The following GPER1 variants were observed in gnomAD, a reference collection of about 807,000 sequenced individuals.
GPER1 encodes G protein-coupled receptor 30.
GPER1 carries 2 observed loss-of-function variants against 0.6 expected under a neutral mutation model. That is an observed-to-expected ratio of 3.41 (90% CI 1.39 to 10.72). GPER1 has a LOEUF of 10.72. Among genes scored for constraint, GPER1 ranks in the 30% most tolerant of loss-of-function variants. The probability of loss-of-function intolerance (pLI) is 0.04; values close to 1 mark genes in which losing one functional copy is unlikely to be tolerated. For missense variants in GPER1, 441 were observed against 535.2 expected, an observed-to-expected ratio of 0.82 and a Z score of 1.74; for synonymous variants, 263 against 247.6, an observed-to-expected ratio of 1.06 and a Z score of -0.58.
In GPER1 at chr7:1,093,541, CGTCTGCTCCG is replaced by C. The variant is rs1563104826; in HGVS notation, c.*687_*696del. 8.5e-6 allele frequency: 4 copies of C among 470,928 alleles called. No individual in the cohort carries two copies. In the Admixed American group the frequency reaches 9.4e-5, roughly 11 times the overall value. The allele number at this position is 470,928 out of a possible 1,614,324, so 29.2% of individuals were successfully genotyped here. On this transcript the variant is annotated 3_prime_UTR_variant, in exon 2 of 2. Transcript: ENST00000397088. Reference sequence around the variant, plus strand: ...GAAGGCCCCTCTGTGGAGCGCCCGCCGTCTGCTCCGGGGTGGTTCAGTCACTGCTTGTTGA... The same window carrying C: ...GAAGGCCCCTCTGTGGAGCGCCCGCCGGGTGGTTCAGTCACTGCTTGTTGA...
upstream of GPER1, among the ~76,000 whole-genome samples, chr7:1,087,452 T>C (rs958607832): frequency 1.3e-5 from 2 of 152,250 alleles, no homozygotes; most frequent in African/African-American, 4.8e-5. Flanking sequence ...ATACACACCT[T>C]ATACACACTG....
rs773015616 is a variant in GPER1 at position 1,092,129 on chromosome 7, C to T, written c.401C>T (p.Ser134Leu). The change falls in exon 2 of 2, where the codon TCG (serine) becomes TTG (leucine). Residue 134 changes from serine (S) to leucine (L), a missense_variant. Physicochemically the swap from Ser to Leu is moderately radical, Grantham distance 145 (BLOSUM62 -2). Coordinates refer to ENST00000397088, the MANE Select transcript of GPER1 (RefSeq NM_001098201.3). ...ATCGCCGTCCTGTGCACCTTCATGT[C>T]GCTCTTCCTGCAGGTCAACATGTAC... The part of the protein sequence containing the change: ...YDIAVLCTFM[S>L]LFLQVNMYSS... 39 of 1,613,616 alleles carry T rather than the reference C, an allele frequency of 2.4e-5. No homozygotes were observed. In the East Asian group the frequency reaches 6.7e-4, roughly 28 times the overall value.
In GPER1 at chr7:1,092,725, G is replaced by T; in HGVS notation, c.997G>T (p.Asp333Tyr). ...IYSFLGETFR[D>Y]KLRLYIEQKT... Reference sequence around the variant, plus strand: ...CAGCTTTCTCGGGGAGACCTTCAGGGACAAGCTGAGGCTGTACATTGAGCA... The same window carrying T: ...CAGCTTTCTCGGGGAGACCTTCAGGTACAAGCTGAGGCTGTACATTGAGCA... The change falls in exon 2 of 2, where the codon GAC becomes TAC. Residue 333 changes from aspartate to tyrosine, a missense_variant. By Grantham distance (160) the Asp-to-Tyr change is radical. Coordinates refer to ENST00000397088, the MANE Select transcript of GPER1 (RefSeq NM_001098201.3). 6.2e-7 allele frequency: 1 copy of T among 1,613,574 alleles called. No homozygotes were observed. Among genetic ancestry groups the T allele is most frequent in the Non-Finnish European group, 8.5e-7 (1 of 1,180,030 alleles).
At position 1,093,182 on chromosome 7, in the gene GPER1, A is replaced by C. The variant is rs1788200214; in HGVS notation, c.*326A>C. 3.6e-6 allele frequency: 2 copies of C among 553,606 alleles called. No individual in the cohort carries two copies. The highest frequency in any genetic ancestry group is 7.1e-6 in the Non-Finnish European group (2 of 280,876). The allele number at this position is 553,606 out of a possible 1,614,324, so 34.3% of individuals were successfully genotyped here. A position where few individuals can be genotyped will look rare whatever the true frequency, so the allele number is the denominator to read the frequency against. Reference sequence around the variant, plus strand: ...CGCTGCACCTGCCTGCCGCTGCAGGAAACATTTCTGACACCGTCGACCAGG... The same window carrying C: ...CGCTGCACCTGCCTGCCGCTGCAGGCAACATTTCTGACACCGTCGACCAGG... On this transcript the variant is annotated 3_prime_UTR_variant, in exon 2 of 2. Coordinates refer to ENST00000397088, the MANE Select transcript of GPER1 (RefSeq NM_001098201.3).
chr7:1,092,895 G>T lies in GPER1; in HGVS notation c.*39G>T. ...CATAGGCCCAGCCAGGGTGTGACTC[G>T]GGAGCTGCACACACCTGGGTGGACA... On this transcript the variant is annotated 3_prime_UTR_variant, in exon 2 of 2. Coordinates refer to ENST00000397088, the MANE Select transcript of GPER1 (RefSeq NM_001098201.3). The T allele has an allele frequency of 6.3e-7, 1 of 1,577,110 alleles. No individual in the cohort carries two copies. Among genetic ancestry groups the T allele is most frequent in the East Asian group, 2.3e-5 (1 of 44,248 alleles).
At chr7:1,089,792 A>G (rs903218133) in intron 1 of GPER1, among the ~76,000 whole-genome samples, 13 of 151,604 alleles carry the variant, frequency 8.6e-5, no homozygotes, top group African/African-American at 2.4e-4. Context: ...CTTCAAAACA[A>G]TAACCCCTGG....
rs778619173 is a variant in GPER1 at position 1,092,400 on chromosome 7, C to T, written c.672C>T (p.Ile224=). 1.9e-5 allele frequency: 30 copies of T among 1,603,298 alleles called. No individual in the cohort carries two copies. The highest frequency in any genetic ancestry group is 3.3e-4 in the Middle Eastern group (2 of 6,068). The stretch of plus-strand genomic sequence containing the variant: ...GGCTCGAGGTCACGCTGGGCTTCAT[C>T]GTGCCCTTCGCCATCATCGGCCTGT... ...VQWLEVTLGF[I]VPFAIIGLCY... is the part of the protein sequence containing the mutation. Residue 224 remains isoleucine (I), a synonymous_variant, in exon 2 of 2, where the codon ATC becomes ATT. Transcript: ENST00000397088.
Position 1,091,519 on chromosome 7 carries a change from C to T in GPER1, c.-210C>T, listed in dbSNP as rs1306022065. On this transcript the variant is annotated 5_prime_UTR_variant, in exon 2 of 2. Transcript: ENST00000397088. ...CCTCGCCTCCACGGATGCACCATGC[C>T]GGTGTGAGGAGCATCTGTTCTTCCC... 2.0e-5 allele frequency: 11 copies of T among 549,162 alleles called. No homozygotes were observed. The highest frequency in any genetic ancestry group is 3.2e-5 in the Non-Finnish European group (10 of 310,694). The allele number at this position is 549,162 out of a possible 1,614,324, so 34.0% of individuals were successfully genotyped here.
In GPER1 at chr7:1,093,682, A is replaced by G. The variant is rs941961473; in HGVS notation, c.*826A>G. ...ATACTCCAGCACCTGTGGCTGACGA[A>G]TTTGTTTCTACAGAAATAACAGCTG... is the stretch of plus-strand genomic sequence containing the variant. On this transcript the variant is annotated 3_prime_UTR_variant, in exon 2 of 2. Transcript: ENST00000397088. 2.3e-5 allele frequency: 11 copies of G among 469,522 alleles called. No homozygotes were observed. The highest frequency in any genetic ancestry group is 3.5e-5 in the Non-Finnish European group (8 of 225,712). 29.1% of individuals were successfully genotyped at this position (469,522 alleles called of 1,614,324 possible). A position where few individuals can be genotyped will look rare whatever the true frequency, so the allele number is the denominator to read the frequency against.
intron 1 of GPER1, among the ~76,000 whole-genome samples, chr7:1,090,215 G>T (rs1787815678): frequency 6.6e-6 from 1 of 152,254 alleles, no homozygotes. Flanking sequence ...TCTCTGCTGG[G>T]CTTGGGCACC....
At chr7:1,090,919 C>G (rs145851712) in intron 1 of GPER1, among the ~76,000 whole-genome samples, 6 of 152,198 alleles carry the variant, frequency 3.9e-5, no homozygotes, top group Admixed American at 1.3e-4. Context: ...CGCTGAACTT[C>G]TGTTTTATCG....
Position 1,093,520 on chromosome 7 carries a change from G to A in GPER1, c.*664G>A. On this transcript the variant is annotated 3_prime_UTR_variant, in exon 2 of 2. Coordinates refer to ENST00000397088, the MANE Select transcript of GPER1 (RefSeq NM_001098201.3). ...GCGCTCGGCCCGGAGCAGCAGGAAG[G>A]CCCCTCTGTGGAGCGCCCGCCGTCT... The A allele has an allele frequency of 2.1e-6, 1 of 470,928 alleles. No homozygotes were observed. The allele number at this position is 470,928 out of a possible 1,614,324, so 29.2% of individuals were successfully genotyped here.
At chr7:1,089,209 G>C (rs1787687234) in intron 1 of GPER1, among the ~76,000 whole-genome samples, 1 of 152,136 alleles carries the variant, frequency 6.6e-6, no homozygotes, top group African/African-American at 2.4e-5. Context: ...TGAGAGCAGA[G>C]GCATTTATGC....
chr7:1,091,748 C>G lies in GPER1; in HGVS notation c.20C>G (p.Ala7Gly), dbSNP rs1185069759. MDVTSQ[A>G]RGVGLEMYPG... ...AGAGACATGGATGTGACTTCCCAAGCCCGGGGCGTGGGCCTGGAGATGTAC... is the reference window on the plus strand; with the variant it reads ...AGAGACATGGATGTGACTTCCCAAGGCCGGGGCGTGGGCCTGGAGATGTAC... Residue 7 changes from alanine to glycine, a missense_variant, in exon 2 of 2, where the codon GCC (alanine) becomes GGC (glycine). By Grantham distance (60) the Ala-to-Gly change is moderately conservative. Coordinates refer to ENST00000397088, the MANE Select transcript of GPER1 (RefSeq NM_001098201.3). 1 of 1,534,712 alleles carries G rather than the reference C, an allele frequency of 6.5e-7. No homozygotes were observed.
rs35069667 is a variant in GPER1, at chr7:1,092,471, G to C, written c.743G>C (p.Arg248Pro). Reference sequence around the variant, plus strand: ...GTGCTGGTCAGGGCGCACCGGCACCGTGGGCTGCGGCCCCGGCGGCAGAAG... The same window carrying C: ...GTGCTGGTCAGGGCGCACCGGCACCCTGGGCTGCGGCCCCGGCGGCAGAAG... The part of the protein sequence containing the change: ...VRVLVRAHRH[R>P]GLRPRRQKAL... Residue 248 changes from arginine to proline, a missense_variant, in exon 2 of 2, where the codon CGT (arginine) becomes CCT (proline). Arg to Pro is a moderately radical substitution (Grantham distance 103). Coordinates refer to ENST00000397088, the MANE Select transcript of GPER1 (RefSeq NM_001098201.3). 1 of 1,607,656 alleles carries C rather than the reference G, an allele frequency of 6.2e-7. No homozygotes were observed. Among genetic ancestry groups the C allele is most frequent in the Non-Finnish European group, 8.5e-7 (1 of 1,179,502 alleles).
In GPER1 at chr7:1,093,031, C is replaced by A; in HGVS notation, c.*175C>A. 1 of 725,430 alleles carries A rather than the reference C, an allele frequency of 1.4e-6. No homozygotes were observed. The allele number at this position is 725,430 out of a possible 1,614,324, so 44.9% of individuals were successfully genotyped here. The stretch of plus-strand genomic sequence containing the variant: ...GTCACCCTGGGGCTGCTTAGGAAAC[C>A]TCACGACTGGTCACCTTGCACTCCT... On this transcript the variant is annotated 3_prime_UTR_variant, in exon 2 of 2. Coordinates refer to ENST00000397088, the MANE Select transcript of GPER1 (RefSeq NM_001098201.3).
At position 1,092,555 on chromosome 7, in the gene GPER1, A is replaced by G; in HGVS notation, c.827A>G (p.Asn276Ser). Reference sequence around the variant, plus strand: ...TTCTTCGTCTGCTGGCTGCCGGAGAACGTCTTCATCAGCGTGCACCTCCTG... The same window carrying G: ...TTCTTCGTCTGCTGGCTGCCGGAGAGCGTCTTCATCAGCGTGCACCTCCTG... ...LVFFVCWLPE[N>S]VFISVHLLQR... The change falls in exon 2 of 2, where the codon AAC becomes AGC. Residue 276 changes from asparagine to serine, a missense_variant. By Grantham distance (46) the Asn-to-Ser change is conservative. Coordinates refer to ENST00000397088, the MANE Select transcript of GPER1 (RefSeq NM_001098201.3). 6.2e-7 allele frequency: 1 copy of G among 1,609,738 alleles called. No homozygotes were observed. The highest frequency in any genetic ancestry group is 8.5e-7 in the Non-Finnish European group (1 of 1,179,960).
Position 1,091,544 on chromosome 7 carries a change from C to T in GPER1, c.-185C>T. On this transcript the variant is annotated 5_prime_UTR_variant, in exon 2 of 2. Transcript: ENST00000397088. ...CGGTGTGAGGAGCATCTGTTCTTCCCACTCTCTGCAGTTAACAAACCCAAC... is the reference window on the plus strand; with the variant it reads ...CGGTGTGAGGAGCATCTGTTCTTCCTACTCTCTGCAGTTAACAAACCCAAC... 1 of 591,944 alleles carries T rather than the reference C, an allele frequency of 1.7e-6. No homozygotes were observed. Among genetic ancestry groups the T allele is most frequent in the Admixed American group, 3.2e-5 (1 of 30,830 alleles). 36.7% of individuals were successfully genotyped at this position (591,944 alleles called of 1,614,324 possible).
At chr7:1,089,035 C>T (rs1160851995) in intron 1 of GPER1, among the ~76,000 whole-genome samples, 1 of 152,152 alleles carries the variant, frequency 6.6e-6, no homozygotes, top group South Asian at 2.1e-4. Flanking sequence ...AGAAAATAAA[C>T]GTTAAGTTGA....
Sources: allele counts gnomAD v4.1 joint callset (sites outside exome capture counted in the v4.1 genomes callset), GRCh38; gene constraint gnomAD v4.1.1; transcripts MANE v1.5; gene names NCBI Gene and HGNC (gene_info 2026-07-23, HGNC 2026-07-21).